Variants in ADGRL2 observed in about 807,000 individuals in gnomAD.
ADGRL2 encodes the protein calcium-independent alpha-latrotoxin receptor 2.
Under a neutral mutation model 157.4 loss-of-function variants are expected in ADGRL2, and 44 were observed. That is an observed-to-expected ratio of 0.28 (90% CI 0.22 to 0.36). The LOEUF (loss-of-function observed/expected upper bound fraction) is 0.36. Among genes scored for constraint, ADGRL2 ranks in the 10% least tolerant of loss-of-function variants. The probability of loss-of-function intolerance (pLI) is 1.00; values close to 1 mark genes in which losing one functional copy is unlikely to be tolerated. For missense variants in ADGRL2, 1,510 were observed against 1,768.9 expected, an observed-to-expected ratio of 0.85 and a Z score of 2.63; for synonymous variants, 585 against 624.7, an observed-to-expected ratio of 0.94 and a Z score of 0.95.
chr1:81,868,433 G>T (rs2093607712), intron 2 of ADGRL2, among the ~76,000 whole-genome samples: 1 of 152,064 alleles, frequency 6.6e-6, no homozygotes, highest in African/African-American at 2.4e-5. Flanking sequence ...AGTGGCCTCA[G>T]TAGGCACACA....
intron 3 of ADGRL2, among the ~76,000 whole-genome samples, chr1:81,636,791 A>G (rs2082123017): frequency 6.6e-6 from 1 of 152,152 alleles, no homozygotes; most frequent in African/African-American, 2.4e-5. Context: ...AATACTGTGT[A>G]ATATACTCTT....
intron 2 of ADGRL2, 131 bp downstream of exon 2, chr1:81,837,188 T>A (rs1420997630): frequency 4.0e-6 from 2 of 501,160 alleles, no homozygotes; most frequent in Non-Finnish European, 6.9e-6. Flanking sequence ...TCCTGAATAT[T>A]GAATTGTTTA....
chr1:81,508,117 T>C (rs2079011949), intron 2 of ADGRL2, among the ~76,000 whole-genome samples: 1 of 152,230 alleles, frequency 6.6e-6, no homozygotes, highest in Admixed American at 6.5e-5. Context: ...AATGCAAATA[T>C]GAGCATTTAA....
At chr1:81,601,402 G>C (rs2081331402) in intron 3 of ADGRL2, among the ~76,000 whole-genome samples, 1 of 152,204 alleles carries the variant, frequency 6.6e-6, no homozygotes, top group Non-Finnish European at 1.5e-5. Flanking sequence ...GACCAGAAGA[G>C]ACAGTTCACT....
At chr1:81,348,755 T>A (rs1327506790) in intron 1 of ADGRL2, among the ~76,000 whole-genome samples, 1 of 152,190 alleles carries the variant, frequency 6.6e-6, no homozygotes, top group Admixed American at 6.5e-5. Flanking sequence ...ATATAAAATA[T>A]GAGATGGCTG....
intron 3 of ADGRL2, among the ~76,000 whole-genome samples, chr1:81,645,071 A>G (rs978293627): frequency 6.6e-6 from 1 of 152,030 alleles, no homozygotes; most frequent in East Asian, 1.9e-4. Context: ...TAATAGTTGT[A>G]CTGTGCATTT....
intron 3 of ADGRL2, among the ~76,000 whole-genome samples, chr1:81,913,768 C>T (rs920776035): frequency 2.0e-4 from 30 of 152,052 alleles, no homozygotes; most frequent in African/African-American, 7.2e-4. Context: ...ACTTCGCAAG[C>T]CTTTAGAACA....
intron 3 of ADGRL2, chr1:81,596,156 C>T: frequency 2.2e-6 from 1 of 462,436 alleles, no homozygotes; most frequent in Admixed American, 2.6e-5. Flanking sequence ...TTGACTTAAG[C>T]ATCCGCAATG....
intron 4 of ADGRL2, among the ~76,000 whole-genome samples, chr1:81,939,701 C>T (rs550052336): frequency 1.4e-4 from 21 of 151,412 alleles, no homozygotes; most frequent in East Asian, 5.8e-4. Context: ...TTAATTCATA[C>T]GGCTCTTAAG....
At chr1:81,557,483 AAGAAAG>A (rs1217388654) in intron 2 of ADGRL2, 5 of 9,696 alleles carry the variant, frequency 5.2e-4, no homozygotes, top group African/African-American at 1.6e-3. Context: ...AGAAAGAAAG[AAGAAAG>A]AAAGAAAGAA....
chr1:81,823,382 T>C (rs1191279169), intron 1 of ADGRL2, among the ~76,000 whole-genome samples: 2 of 108,766 alleles, frequency 1.8e-5, no homozygotes, highest in Middle Eastern at 5.1e-3. Flanking sequence ...CCCCTCCCTC[T>C]TTCCTTCCCT....
At chr1:81,957,661 A>G (rs1004910270) in intron 11 of ADGRL2, among the ~76,000 whole-genome samples, 9 of 152,090 alleles carry the variant, frequency 5.9e-5, no homozygotes, top group African/African-American at 2.2e-4. Context: ...GTGAGCTGAG[A>G]TCATGCCACT....
intron 14 of ADGRL2, among the ~76,000 whole-genome samples, chr1:81,968,817 A>G (rs1306415962): frequency 6.6e-6 from 1 of 152,210 alleles, no homozygotes; most frequent in Non-Finnish European, 1.5e-5. Flanking sequence ...GCTTGGAAAA[A>G]TCATTAAAAT....
intron 1 of ADGRL2, among the ~76,000 whole-genome samples, chr1:81,353,197 AC>A (rs1663039547): frequency 8.1e-6 from 1 of 122,936 alleles, no homozygotes; most frequent in Non-Finnish European, 1.9e-5. Context: ...CACTTCCCAT[AC>A]TGCCTGAGTG....
intron 2 of ADGRL2, among the ~76,000 whole-genome samples, chr1:81,474,777 A>T (rs189142614): frequency 3.3e-5 from 5 of 152,334 alleles, no homozygotes; most frequent in African/African-American, 1.2e-4. Context: ...TAAGATCCTT[A>T]TGAAATTTCT....
intron 2 of ADGRL2, among the ~76,000 whole-genome samples, chr1:81,852,018 C>T (rs893507080): frequency 1.6e-4 from 25 of 151,950 alleles, no homozygotes; most frequent in Non-Finnish European, 2.8e-4. Flanking sequence ...ACTATTCTAG[C>T]TTCAAGTACT....
chr1:81,611,125 A>G (rs1238393986), intron 3 of ADGRL2, among the ~76,000 whole-genome samples: 6 of 152,248 alleles, frequency 3.9e-5, no homozygotes, highest in Admixed American at 3.9e-4. Flanking sequence ...CAGTTCTGCA[A>G]TTGATAATCC....
At position 81,952,021 on chromosome 1, in the gene ADGRL2, T is replaced by C. The variant is rs1373813136; in HGVS notation, c.1673T>C (p.Val558Ala). The change falls in exon 9 of 24, where the codon GTG becomes GCG. Residue 558 changes from valine (V) to alanine (A), a missense_variant. By Grantham distance (64) the Val-to-Ala change is moderately conservative. Around this residue, in one of 4 missense-constraint regions of ADGRL2, gnomAD observed 325 missense variants for 333.2 expected, o/e 0.98. Coordinates refer to ENST00000686636, the MANE Select transcript of ADGRL2 (RefSeq NM_001366006.2). ...NELAKHTKGP[V>A]FAGDVSSSVR... ...CTGGCTAAACATACCAAAGGGCCAG[T>C]GTTTGCTGGGGATGTAAGTTCTTCA... 2 of 1,613,716 alleles carry C rather than the reference T, an allele frequency of 1.2e-6. No individual in the cohort carries two copies. The highest frequency in any genetic ancestry group is 2.2e-5 in the South Asian group (2 of 91,070).
At chr1:81,388,640 T>C (rs1389538565) in intron 1 of ADGRL2, among the ~76,000 whole-genome samples, 1 of 152,144 alleles carries the variant, frequency 6.6e-6, no homozygotes, top group Non-Finnish European at 1.5e-5. Context: ...GCATTTGCCC[T>C]TTCAACATGA....
Sources: gnomAD v4.1 joint callset for allele counts (sites outside exome capture counted in the v4.1 genomes callset) on GRCh38, gnomAD v4.1.1 for gene constraint, gnomAD v4.1.1 regional missense constraint, MANE v1.5 for transcripts, NCBI Gene and HGNC (gene_info 2026-07-23, HGNC 2026-07-21) for gene names.